The following SEC11A variants were observed in gnomAD, a reference collection of about 807,000 sequenced individuals.
SEC11A encodes the protein signal peptidase complex catalytic subunit SEC11A.
A neutral mutation model predicts 25.6 loss-of-function variants in SEC11A; 14 were observed. The observed-to-expected ratio is 0.55, with a 90% confidence interval of 0.36 to 0.85. SEC11A has a LOEUF of 0.85. Ranked by LOEUF, SEC11A falls within the 40% of genes least tolerant of loss-of-function variation. The pLI is 0.01. For synonymous variants in SEC11A, 83 were observed against 76.4 expected, an observed-to-expected ratio of 1.09 and a Z score of -0.45; for missense variants, 153 against 222.9, an observed-to-expected ratio of 0.69 and a Z score of 2.00.
chr15:84,713,738 C>G (rs1265068846), intron 1 of SEC11A, among the ~76,000 whole-genome samples: 1 of 152,194 alleles, frequency 6.6e-6, no homozygotes, highest in Non-Finnish European at 1.5e-5. Context: ...TTATATATCT[C>G]TATGCTTTAG....
chr15:84,684,628 T>C (rs891534040), intron 3 of SEC11A, among the ~76,000 whole-genome samples: 1 of 152,130 alleles, frequency 6.6e-6, no homozygotes, highest in Non-Finnish European at 1.5e-5. Flanking sequence ...AAGAACAATG[T>C]TAATACTATT....
chr15:84,672,521 G>A (rs542665234), intron 4 of SEC11A: 4 of 168,764 alleles, frequency 2.4e-5, no homozygotes, highest in South Asian at 1.3e-4. Flanking sequence ...CGCCAGCCTC[G>A]GCCTCCCGAG....
intron 4 of SEC11A, among the ~76,000 whole-genome samples, chr15:84,676,540 G>A (rs1031556380): frequency 9.9e-5 from 15 of 150,950 alleles, no homozygotes; most frequent in South Asian, 2.1e-4. Context: ...TTGGGAGGCC[G>A]AGGCGGGCAG....
intron 3 of SEC11A, among the ~76,000 whole-genome samples, chr15:84,686,203 T>TA (rs890330461): frequency 2.5e-4 from 38 of 151,668 alleles, no homozygotes; most frequent in South Asian, 1.9e-3. Flanking sequence ...CTGATTTTAT[T>TA]AAAAAAAAAT....
chr15:84,689,034 A>G (rs947312770), intron 2 of SEC11A, among the ~76,000 whole-genome samples: 9 of 151,292 alleles, frequency 5.9e-5, no homozygotes, highest in African/African-American at 2.2e-4. Context: ...TGTCTCAAAA[A>G]AAAAAAAAAA....
intron 1 of SEC11A, 70 bp downstream of exon 1, chr15:84,715,955 G>C (rs1898452244): frequency 6.8e-7 from 1 of 1,466,228 alleles, no homozygotes; most frequent in Non-Finnish European, 9.5e-7. Context: ...CCTGGGGTCC[G>C]CCGGGCCCCG....
intron 4 of SEC11A, chr15:84,673,765 T>TTTTTA (rs1897063032): frequency 1.3e-5 from 2 of 152,230 alleles, no homozygotes; most frequent in South Asian, 4.2e-4. Flanking sequence ...AAAAATTAGC[T>TTTTTA]GGGCATGGTG....
intron 1 of SEC11A, among the ~76,000 whole-genome samples, chr15:84,692,970 C>T (rs1184480648): frequency 6.6e-6 from 1 of 152,128 alleles, no homozygotes; most frequent in Non-Finnish European, 1.5e-5. Context: ...TTCAGCCTCC[C>T]GAGTAGCCAG....
intron 4 of SEC11A, chr15:84,679,114 GTGACTT>G: frequency 3.2e-6 from 1 of 315,248 alleles, no homozygotes; most frequent in Non-Finnish European, 6.0e-6. Flanking sequence ...GAGACAAGAA[GTGACTT>G]TGCTTTTTGA....
At chr15:84,684,583 T>A (rs2141884854) in intron 3 of SEC11A, among the ~76,000 whole-genome samples, 1 of 152,208 alleles carries the variant, frequency 6.6e-6, no homozygotes, top group Non-Finnish European at 1.5e-5. Context: ...ACCTACTAAA[T>A]ACATACATTT....
intron 2 of SEC11A, among the ~76,000 whole-genome samples, chr15:84,688,057 T>C (rs1373153066): frequency 3.3e-4 from 50 of 152,182 alleles, no homozygotes; most frequent in Non-Finnish European, 4.4e-5. Context: ...TGTTACTAAT[T>C]CCTTAACCTT....
intron 1 of SEC11A, among the ~76,000 whole-genome samples, chr15:84,703,837 C>T (rs1431436016): frequency 6.6e-6 from 1 of 152,112 alleles, no homozygotes; most frequent in African/African-American, 2.4e-5. Flanking sequence ...TAATTGTGTG[C>T]CATATAAGTG....
At chr15:84,692,527 T>C (rs1202917798) in intron 1 of SEC11A, among the ~76,000 whole-genome samples, 3 of 152,122 alleles carry the variant, frequency 2.0e-5, no homozygotes, top group African/African-American at 7.2e-5. Flanking sequence ...TCCAACAAAC[T>C]CTAAAATTCT....
chr15:84,710,191 A>G (rs1288730473), intron 1 of SEC11A, among the ~76,000 whole-genome samples: 2 of 152,254 alleles, frequency 1.3e-5, no homozygotes, highest in Non-Finnish European at 2.9e-5. Context: ...ACATTTTAAG[A>G]GAACTTAAGA....
At chr15:84,675,835 T>C (rs1162654173) in intron 4 of SEC11A, among the ~76,000 whole-genome samples, 1 of 152,238 alleles carries the variant, frequency 6.6e-6, no homozygotes, top group Non-Finnish European at 1.5e-5. Flanking sequence ...AAATTGTTTT[T>C]ATTACATGCT....
At position 84,701,668 on chromosome 15, in the gene SEC11A, C is replaced by T. The variant is rs61317226; in HGVS notation, c.52-10024G>A. Reference sequence around the variant, plus strand: ...AAAATGCACTTTAAATATAAAGACACAAATATTGTGAAAGAAAAAAAGAGA... The same window carrying T: ...AAAATGCACTTTAAATATAAAGACATAAATATTGTGAAAGAAAAAAAGAGA... On this transcript the variant is annotated intron_variant, in intron 1 of 5. Transcript: ENST00000268220. Among the ~76,000 whole-genome samples the T allele has an allele frequency of 9.3e-3, 1,407 of 151,610 alleles. 22 individuals carry two copies. Among genetic ancestry groups the T allele is most frequent in the African/African-American group, 0.033 (1,349 of 41,298 alleles).
At chr15:84,704,177 A>G (rs1898029941) in intron 1 of SEC11A, among the ~76,000 whole-genome samples, 1 of 152,224 alleles carries the variant, frequency 6.6e-6, no homozygotes, top group South Asian at 2.1e-4. Context: ...CTCCGGATAT[A>G]GATTGGTCTT....
At chr15:84,706,692 TA>T (rs1433729695) in intron 1 of SEC11A, among the ~76,000 whole-genome samples, 1 of 152,168 alleles carries the variant, frequency 6.6e-6, no homozygotes, top group East Asian at 1.9e-4. Flanking sequence ...GCTAACATGA[TA>T]AAAACAGGTG....
At chr15:84,704,052 T>C (rs1596082341) in intron 1 of SEC11A, among the ~76,000 whole-genome samples, 3 of 152,136 alleles carry the variant, frequency 2.0e-5, no homozygotes, top group South Asian at 4.2e-4. Flanking sequence ...CAACACTGAG[T>C]GACTACCCTG....
Sources: allele counts gnomAD v4.1 joint callset (sites outside exome capture counted in the v4.1 genomes callset), GRCh38; gene constraint gnomAD v4.1.1; transcripts MANE v1.5; gene names NCBI Gene and HGNC (gene_info 2026-07-23, HGNC 2026-07-21).